The following SORCS3 variants were observed in gnomAD, a reference collection of about 807,000 sequenced individuals.
SORCS3 encodes VPS10 domain-containing receptor SorCS3.
SORCS3 carries 57 observed loss-of-function variants against 146.3 expected under a neutral mutation model. That is an observed-to-expected ratio of 0.39 (90% CI 0.31 to 0.49). The LOEUF (loss-of-function observed/expected upper bound fraction) is 0.49. Ranked by LOEUF, SORCS3 falls within the 20% of genes least tolerant of loss-of-function variation. The pLI is 0.92. For synonymous variants in SORCS3, 653 were observed against 618.5 expected, an observed-to-expected ratio of 1.06 and a Z score of -0.83; for missense variants, 1,341 against 1,575.5, an observed-to-expected ratio of 0.85 and a Z score of 2.52.
At chr10:104,998,072 T>C (rs1021487315) in intron 4 of SORCS3, among the ~76,000 whole-genome samples, 8 of 152,120 alleles carry the variant, frequency 5.3e-5, no homozygotes, top group Middle Eastern at 3.2e-3. Context: ...AGGTGCTCAA[T>C]ACATACCTGA....
chr10:104,767,241 T>C (rs1443403493), intron 1 of SORCS3, among the ~76,000 whole-genome samples: 1 of 152,180 alleles, frequency 6.6e-6, no homozygotes, highest in African/African-American at 2.4e-5. Flanking sequence ...GAGAAAATGA[T>C]CAGTAAATAC....
At chr10:104,743,945 A>G (rs978564318) in intron 1 of SORCS3, among the ~76,000 whole-genome samples, 1 of 152,256 alleles carries the variant, frequency 6.6e-6, no homozygotes, top group Non-Finnish European at 1.5e-5. Context: ...AATAACGATT[A>G]TGATCATTAT....
chr10:104,653,995 T>C (rs957579947), intron 1 of SORCS3, among the ~76,000 whole-genome samples: 20 of 152,102 alleles, frequency 1.3e-4, no homozygotes, highest in Admixed American at 6.6e-5. Flanking sequence ...TTCTACTCTA[T>C]GCGCATGGGT....
intron 13 of SORCS3, among the ~76,000 whole-genome samples, chr10:105,172,777 A>C (rs1480082246): frequency 1.3e-5 from 2 of 152,228 alleles, no homozygotes; most frequent in East Asian, 3.9e-4. Context: ...TAGAAGGATG[A>C]TTTCTTTTCT....
rs1469576264 is a variant in SORCS3, at chr10:104,795,509, A to G, written c.628-47283A>G. 3.3e-5 allele frequency among the ~76,000 whole-genome samples: 5 copies of G among 152,246 alleles called. No homozygotes were observed. The East Asian group carries it at 7.7e-4, about 23-fold the overall frequency. On this transcript the variant is annotated intron_variant, in intron 1 of 26. Coordinates refer to ENST00000369701, the MANE Select transcript of SORCS3 (RefSeq NM_014978.3). Reference sequence around the variant, plus strand: ...TGAATTTAGGTCATAGGCTTGGTTCATGACAAACAGGTTCTTCCCTACAAG... The same window carrying G: ...TGAATTTAGGTCATAGGCTTGGTTCGTGACAAACAGGTTCTTCCCTACAAG...
chr10:104,888,332 A>T (rs946242452), intron 2 of SORCS3, among the ~76,000 whole-genome samples: 5 of 152,222 alleles, frequency 3.3e-5, no homozygotes, highest in Admixed American at 2.0e-4. Context: ...TTGGACCAGG[A>T]GACTCAAATG....
chr10:105,210,061 T>G (rs1024524732), intron 16 of SORCS3, among the ~76,000 whole-genome samples: 1 of 152,136 alleles, frequency 6.6e-6, no homozygotes, highest in African/African-American at 2.4e-5. Flanking sequence ...TGTAAATAGA[T>G]GTGGAATTAA....
intron 2 of SORCS3, among the ~76,000 whole-genome samples, chr10:104,882,653 T>C (rs1272496640): frequency 6.6e-6 from 1 of 152,020 alleles, no homozygotes; most frequent in African/African-American, 2.4e-5. Context: ...GGAAGATACA[T>C]CCAGATGGCC....
At chr10:105,177,981 G>A in intron 13 of SORCS3, 85 bp from the exon 14 acceptor site, 2 of 996,946 alleles carry the variant, frequency 2.0e-6, no homozygotes, top group Non-Finnish European at 1.6e-6. Flanking sequence ...AGATACAGAG[G>A]AAAATTTAAT....
intron 3 of SORCS3, among the ~76,000 whole-genome samples, chr10:104,949,520 C>T (rs556994368): frequency 6.6e-6 from 1 of 152,310 alleles, no homozygotes; most frequent in Admixed American, 6.5e-5. Context: ...TCTTCTACTT[C>T]TTAAGAAATT....
rs746489191 is a variant in SORCS3, at chr10:105,252,797, A to G, written c.3128A>G (p.Gln1043Arg). The change falls in exon 23 of 27, where the codon CAG becomes CGG. Residue 1043 changes from glutamine to arginine, a missense_variant. Gln to Arg is a conservative substitution (Grantham distance 43). Coordinates refer to ENST00000369701, the MANE Select transcript of SORCS3 (RefSeq NM_014978.3). ...CAGGTAACCAGTGTCCCAGAGGACCAGATCCTCATTGCCGTGTTTCCTGGT... is the reference window on the plus strand; with the variant it reads ...CAGGTAACCAGTGTCCCAGAGGACCGGATCCTCATTGCCGTGTTTCCTGGT... ...LVKVTSVPED[Q>R]ILIAVFPGLP... 5.6e-6 allele frequency: 9 copies of G among 1,614,010 alleles called. No individual in the cohort carries two copies. Among genetic ancestry groups the G allele is most frequent in the African/African-American group, 1.3e-5 (1 of 74,940 alleles).
chr10:104,868,172 C>T (rs1358351931), intron 2 of SORCS3, among the ~76,000 whole-genome samples: 1 of 152,190 alleles, frequency 6.6e-6, no homozygotes, highest in African/African-American at 2.4e-5. Context: ...CAGAGCTCTG[C>T]TCTCTGACTA....
intron 1 of SORCS3, among the ~76,000 whole-genome samples, chr10:104,785,497 T>C (rs113729561): frequency 0.042 from 6,060 of 144,014 alleles, 145 homozygotes; most frequent in Admixed American, 0.06. Context: ...TGTTCACTTG[T>C]TTATCTGCTG....
intron 2 of SORCS3, among the ~76,000 whole-genome samples, chr10:104,879,223 A>T (rs1236664187): frequency 9.8e-5 from 15 of 152,340 alleles, no homozygotes; most frequent in Non-Finnish European, 1.5e-5. Flanking sequence ...TCTCACTGGG[A>T]TAAAATCAAG....
chr10:104,690,519 C>T (rs991975774), intron 1 of SORCS3, among the ~76,000 whole-genome samples: 2 of 152,216 alleles, frequency 1.3e-5, no homozygotes, highest in African/African-American at 4.8e-5. Flanking sequence ...CCCAGGTTTC[C>T]TACCACTTCA....
chr10:104,947,242 A>AT (rs1354356936), intron 3 of SORCS3, among the ~76,000 whole-genome samples: 2 of 152,156 alleles, frequency 1.3e-5, no homozygotes, highest in South Asian at 2.1e-4. Context: ...AGACGTTCAC[A>AT]TTTTTTAAAA....
chr10:104,910,696 T>C (rs1053473140), intron 2 of SORCS3, among the ~76,000 whole-genome samples: 1 of 152,210 alleles, frequency 6.6e-6, no homozygotes, highest in Non-Finnish European at 1.5e-5. Flanking sequence ...GGGCATTGCA[T>C]TGTGTTTTTC....
At chr10:104,913,485 T>C (rs549896854) in intron 2 of SORCS3, among the ~76,000 whole-genome samples, 60 of 152,310 alleles carry the variant, frequency 3.9e-4, no homozygotes, top group African/African-American at 1.4e-3. Flanking sequence ...GGGGGATTGA[T>C]GATTAAAGTT....
At chr10:104,823,536 A>T (rs2017899889) in intron 1 of SORCS3, among the ~76,000 whole-genome samples, 1 of 152,102 alleles carries the variant, frequency 6.6e-6, no homozygotes, top group African/African-American at 2.4e-5. Context: ...GGACCATTGC[A>T]GTATCCTTCT....
Sources: gnomAD v4.1 joint callset for allele counts (sites outside exome capture counted in the v4.1 genomes callset) on GRCh38, gnomAD v4.1.1 for gene constraint, MANE v1.5 for transcripts, NCBI Gene and HGNC (gene_info 2026-07-23, HGNC 2026-07-21) for gene names.